Variants in PTPRG observed in about 807,000 individuals in gnomAD.
The protein encoded by PTPRG is protein tyrosine phosphatase receptor type G.
A neutral mutation model predicts 165.3 loss-of-function variants in PTPRG; 102 were observed. The observed-to-expected ratio is 0.62, with a 90% CI of 0.53 to 0.73. The LOEUF is 0.73. Ranked by LOEUF, PTPRG falls within the 30% of genes least tolerant of loss-of-function variation. PTPRG has a pLI of 0.00. For missense variants in PTPRG, 1,866 were observed against 1,861.4 expected, an observed-to-expected ratio of 1.00 and a Z score of -0.05; for synonymous variants, 675 against 669.5, an observed-to-expected ratio of 1.01 and a Z score of -0.13.
intron 4 of PTPRG, among the ~76,000 whole-genome samples, chr3:62,056,181 T>C (rs1436711979): frequency 2.6e-5 from 4 of 152,244 alleles, no homozygotes; most frequent in Admixed American, 6.5e-5. Flanking sequence ...CCAGACAGGA[T>C]TGACTTCGAA....
At chr3:62,283,717 T>G (rs1220612377) in intron 28 of PTPRG, among the ~76,000 whole-genome samples, 2 of 152,116 alleles carry the variant, frequency 1.3e-5, no homozygotes, top group African/African-American at 4.8e-5. Context: ...AAAGTGAAGC[T>G]TATTGTGAAG....
At chr3:61,895,909 T>TA (rs146100576) in intron 2 of PTPRG, among the ~76,000 whole-genome samples, 2 of 152,132 alleles carry the variant, frequency 1.3e-5, no homozygotes, top group Admixed American at 1.3e-4. Flanking sequence ...CATACAGTTG[T>TA]AAAAAATAAT....
chr3:62,231,088 A>T (rs1389464354), intron 13 of PTPRG, 137 bp from the exon 14 acceptor site: 1 of 568,452 alleles, frequency 1.8e-6, no homozygotes, highest in Non-Finnish European at 2.7e-6. Flanking sequence ...TCCTCTTTTG[A>T]AAATGTCACA....
At chr3:61,858,782 A>G (rs1170201223) in intron 2 of PTPRG, among the ~76,000 whole-genome samples, 1 of 152,188 alleles carries the variant, frequency 6.6e-6, no homozygotes, top group Non-Finnish European at 1.5e-5. Flanking sequence ...TTTAATTATG[A>G]TGCCTCAGTG....
intron 1 of PTPRG, among the ~76,000 whole-genome samples, chr3:61,647,790 T>TGAAAAAAA (rs1559539117): frequency 3.0e-4 from 1 of 3,292 alleles, no homozygotes. Flanking sequence ...AGACTCCGTC[T>TGAAAAAAA]CAAAAAAAAA....
intron 1 of PTPRG, among the ~76,000 whole-genome samples, chr3:61,577,816 G>A (rs147385551): frequency 3.9e-4 from 60 of 152,284 alleles, no homozygotes; most frequent in African/African-American, 1.4e-3. Context: ...CCTTCAAAAT[G>A]TAGGGCTAAG....
intron 2 of PTPRG, among the ~76,000 whole-genome samples, chr3:61,803,290 C>T (rs2035302636): frequency 6.6e-6 from 1 of 152,138 alleles, no homozygotes; most frequent in Non-Finnish European, 1.5e-5. Context: ...TCTGCAATAG[C>T]ATCATTTCAA....
intron 4 of PTPRG, among the ~76,000 whole-genome samples, chr3:62,028,072 C>A (rs1171359208): frequency 6.6e-6 from 1 of 152,110 alleles, no homozygotes; most frequent in Non-Finnish European, 1.5e-5. Flanking sequence ...ATCAAAGCAT[C>A]CATTAATTAC....
rs1478141924 is a variant in PTPRG, at chr3:61,750,801, T to G, written c.190+1819T>G. The stretch of plus-strand genomic sequence containing the variant: ...GTCAGGAAATATTCTTCTTTTGATT[T>G]TTTTCTCATTCATTAAAAAATATAC... On this transcript the variant is annotated intron_variant, in intron 2 of 29. Transcript: ENST00000474889. The G allele has an allele frequency of 2.0e-5, 3 of 152,218 alleles. No individual in the cohort carries two copies. In the East Asian group the frequency reaches 5.8e-4, roughly 29 times the overall value. The allele number at this position is 152,218 out of a possible 1,614,324, so 9.4% of individuals were successfully genotyped here.
intron 1 of PTPRG, among the ~76,000 whole-genome samples, chr3:61,680,509 AAAAAAAAAACAC>A (rs1004382938): frequency 2.0e-5 from 3 of 146,904 alleles, no homozygotes; most frequent in East Asian, 2.0e-4. Flanking sequence ...ATGAAAAAAA[AAAAAAAAAACAC>A]AAAAAAACAG....
At chr3:62,178,549 C>T (rs1289286833) in intron 8 of PTPRG, among the ~76,000 whole-genome samples, 1 of 152,178 alleles carries the variant, frequency 6.6e-6, no homozygotes, top group Non-Finnish European at 1.5e-5. Flanking sequence ...TTCAACAAAA[C>T]ATGGAGCGAG....
At chr3:61,584,568 T>A (rs1443991177) in intron 1 of PTPRG, among the ~76,000 whole-genome samples, 1 of 111,398 alleles carries the variant, frequency 9.0e-6, no homozygotes, top group Non-Finnish European at 1.8e-5. Context: ...TCAAGTAAAG[T>A]TTAGGTTTTT....
chr3:62,061,752 C>T (rs1343293005), intron 4 of PTPRG, among the ~76,000 whole-genome samples: 1 of 150,432 alleles, frequency 6.6e-6, no homozygotes, highest in Non-Finnish European at 1.5e-5. Context: ...CCTCAGCCTC[C>T]TGGGTAGCTG....
chr3:61,988,957 A>C (rs1169828290), intron 2 of PTPRG, among the ~76,000 whole-genome samples: 1 of 152,068 alleles, frequency 6.6e-6, no homozygotes, highest in Non-Finnish European at 1.5e-5. Context: ...TGTCCCCCCA[A>C]ATTCTTTATT....
chr3:61,856,711 T>C (rs555852785), intron 2 of PTPRG, among the ~76,000 whole-genome samples: 2 of 152,226 alleles, frequency 1.3e-5, no homozygotes, highest in Non-Finnish European at 2.9e-5. Context: ...CTCTAACTTA[T>C]TCACTCTGTA....
At chr3:62,141,969 G>A (rs1042844924) in intron 6 of PTPRG, among the ~76,000 whole-genome samples, 6 of 151,650 alleles carry the variant, frequency 4.0e-5, no homozygotes, top group Non-Finnish European at 7.4e-5. Context: ...ACCTAGAAAT[G>A]CCTCAGGTGC....
At chr3:61,676,704 C>T (rs1236694212) in intron 1 of PTPRG, among the ~76,000 whole-genome samples, 1 of 151,996 alleles carries the variant, frequency 6.6e-6, no homozygotes, top group African/African-American at 2.4e-5. Context: ...GTGTGTATCT[C>T]TCTGTTGTTT....
chr3:62,221,378 T>C (rs747745917), intron 13 of PTPRG, among the ~76,000 whole-genome samples: 1 of 152,202 alleles, frequency 6.6e-6, no homozygotes, highest in Non-Finnish European at 1.5e-5. Context: ...AAAATTCTTA[T>C]AGAGCAAGGA....
chr3:62,267,913 T>TG (rs1701935827), intron 19 of PTPRG, 94 bp downstream of exon 19: 15 of 1,405,286 alleles, frequency 1.1e-5, no homozygotes, highest in Non-Finnish European at 1.5e-5. Context: ...TGACAAGGTA[T>TG]AAAGAGTTAC....
Sources: gnomAD v4.1 joint callset for allele counts (sites outside exome capture counted in the v4.1 genomes callset) on GRCh38, gnomAD v4.1.1 for gene constraint, MANE v1.5 for transcripts, NCBI Gene and HGNC (gene_info 2026-07-23, HGNC 2026-07-21) for gene names.